The following MGAM2 variants were observed in gnomAD, a reference collection of about 807,000 sequenced individuals.
MGAM2 encodes probable maltase-glucoamylase 2.
MGAM2 carries 98 observed loss-of-function variants against 96.1 expected under a neutral mutation model. The ratio of observed to expected loss-of-function variants is 1.02; its 90% CI spans 0.87 to 1.21. The LOEUF (loss-of-function observed/expected upper bound fraction) is 1.21, where lower values mean the gene tolerates loss of function less well. Ranked by LOEUF, MGAM2 falls within the 50% of genes most tolerant of loss-of-function variation. The probability of loss-of-function intolerance (pLI) is 0.00; values close to 1 mark genes in which losing one functional copy is unlikely to be tolerated. For missense variants in MGAM2, 2,055 were observed against 1,182.4 expected, an observed-to-expected ratio of 1.74 and a Z score of -10.82; for synonymous variants, 749 against 414.8, an observed-to-expected ratio of 1.81 and a Z score of -9.79.
chr7:142,118,660 A>G (rs984866720), intron 2 of MGAM2, among the ~76,000 whole-genome samples: 1 of 152,214 alleles, frequency 6.6e-6, no homozygotes, highest in Non-Finnish European at 1.5e-5. Flanking sequence ...AATGGGGCCA[A>G]TAATATCTTC....
intron 7 of MGAM2, among the ~76,000 whole-genome samples, chr7:142,135,847 C>G (rs1445504967): frequency 6.6e-6 from 1 of 151,314 alleles, no homozygotes; most frequent in Non-Finnish European, 1.5e-5. Flanking sequence ...TTTTTTTTAA[C>G]CACTTAAGTA....
intron 35 of MGAM2, among the ~76,000 whole-genome samples, chr7:142,187,326 C>T (rs967733413): frequency 3.9e-5 from 6 of 152,208 alleles, no homozygotes; most frequent in African/African-American, 1.4e-4. Context: ...TAATAGTAAC[C>T]TCTGGCCATA....
rs905585565 is a variant in MGAM2, at chr7:142,120,529, A to G, written c.186+148A>G. ...TCTTTCTTATCTTATTGAAATAACA[A>G]TATTAAGATCGTGAGGGAAGCAGGG... On this transcript the variant is annotated intron_variant, in intron 3 of 47. Coordinates refer to ENST00000477922, the MANE Select transcript of MGAM2 (RefSeq NM_001293626.2). 8 of 551,690 alleles carry G rather than the reference A, an allele frequency of 1.5e-5. No individual in the cohort carries two copies. The African/African-American group carries it at 1.5e-4, about 10-fold the overall frequency. 34.2% of individuals were successfully genotyped at this position (551,690 alleles called of 1,614,324 possible). A position where few individuals can be genotyped will look rare whatever the true frequency, so the allele number is the denominator to read the frequency against.
intron 21 of MGAM2, among the ~76,000 whole-genome samples, chr7:142,160,820 G>A (rs1264950906): frequency 1.3e-5 from 2 of 151,958 alleles, no homozygotes; most frequent in Non-Finnish European, 2.9e-5. Flanking sequence ...TAATGTGTGC[G>A]GGACACTTAG....
chr7:142,145,549 G>A (rs576131081), intron 14 of MGAM2, among the ~76,000 whole-genome samples: 79 of 152,240 alleles, frequency 5.2e-4, no homozygotes, highest in Admixed American at 8.5e-4. Flanking sequence ...TGGAGGTGGC[G>A]GGTGGCAGTG....
intron 17 of MGAM2, among the ~76,000 whole-genome samples, chr7:142,156,576 T>C (rs552172315): frequency 7.9e-5 from 12 of 152,356 alleles, no homozygotes; most frequent in African/African-American, 2.9e-4. Context: ...CTTCATGTGG[T>C]TCATGGCCAC....
At chr7:142,127,380 G>T (rs1794759220) in intron 3 of MGAM2, among the ~76,000 whole-genome samples, 1 of 151,150 alleles carries the variant, frequency 6.6e-6, no homozygotes, top group Non-Finnish European at 1.5e-5. Flanking sequence ...TTATTTTCTG[G>T]GATAATTGAA....
chr7:142,188,288 G>A (rs1372999276), intron 36 of MGAM2, among the ~76,000 whole-genome samples: 1 of 152,092 alleles, frequency 6.6e-6, no homozygotes. Flanking sequence ...GGTATCAAAA[G>A]GATCTCAGAA....
Position 142,220,148 on chromosome 7 carries a change from T to C in MGAM2, c.5637T>C (p.Asp1879=). 1 of 702,832 alleles carries C rather than the reference T, an allele frequency of 1.4e-6. No homozygotes were observed. Among genetic ancestry groups the C allele is most frequent in the African/African-American group, 1.7e-5 (1 of 57,340 alleles). 43.5% of individuals were successfully genotyped at this position (702,832 alleles called of 1,614,324 possible). ...TSVTTNTTVP[D]TTSPFPTSTT... is the part of the protein sequence containing the mutation. ...TTACAACTAATACTACTGTTCCTGATACAACTTCTCCTTTCCCTACAAGTA... is the reference window on the plus strand; with the variant it reads ...TTACAACTAATACTACTGTTCCTGACACAACTTCTCCTTTCCCTACAAGTA... The change falls in exon 48 of 48, where the codon GAT becomes GAC. Residue 1879 remains aspartate, a synonymous_variant. Transcript: ENST00000477922.
intron 2 of MGAM2, among the ~76,000 whole-genome samples, chr7:142,119,354 G>A (rs554053692): frequency 1.3e-5 from 2 of 152,252 alleles, no homozygotes; most frequent in African/African-American, 4.8e-5. Context: ...GGAAGCGCAA[G>A]TCAAAACAAT....
intron 34 of MGAM2, among the ~76,000 whole-genome samples, chr7:142,185,751 A>G (rs1326918784): frequency 6.6e-6 from 1 of 152,214 alleles, no homozygotes; most frequent in African/African-American, 2.4e-5. Context: ...ATGTCCAGTT[A>G]TTAAACAAAT....
intron 23 of MGAM2, among the ~76,000 whole-genome samples, chr7:142,163,568 C>T (rs1413716679): frequency 2.0e-5 from 3 of 152,218 alleles, no homozygotes; most frequent in Admixed American, 1.3e-4. Flanking sequence ...GCGTGAGCCA[C>T]CGTGCCTGGC....
chr7:142,220,596 A>G lies in MGAM2; in HGVS notation c.6085A>G (p.Thr2029Ala), dbSNP rs932478639. 1.4e-6 allele frequency: 1 copy of G among 698,292 alleles called. No individual in the cohort carries two copies. Among genetic ancestry groups the G allele is most frequent in the Non-Finnish European group, 2.6e-6 (1 of 384,608 alleles). 43.3% of individuals were successfully genotyped at this position (698,292 alleles called of 1,614,324 possible). ...CACAACCACACTTTTTGCAACAAGT[A>G]CTATTGGTGTTACAACTGGTACTAC... ...PITTTLFATSTIGVTTGTTVP... is the reference protein window; with the variant it reads ...PITTTLFATSAIGVTTGTTVP... Residue 2029 changes from threonine to alanine, a missense_variant, in exon 48 of 48, where the codon ACT becomes GCT. By Grantham distance (58) the Thr-to-Ala change is moderately conservative. Coordinates refer to ENST00000477922, the MANE Select transcript of MGAM2 (RefSeq NM_001293626.2).
chr7:142,166,301 C>T (rs1360720753), intron 25 of MGAM2, 48 bp downstream of exon 25: 7 of 650,704 alleles, frequency 1.1e-5, no homozygotes, highest in Admixed American at 7.0e-5. Flanking sequence ...AGTAATTAGG[C>T]ACCTAGAAAA....
intron 22 of MGAM2, 64 bp downstream of exon 22, chr7:142,161,277 T>C (rs1795881084): frequency 7.2e-6 from 5 of 690,710 alleles, no homozygotes; most frequent in Non-Finnish European, 1.1e-5. Flanking sequence ...TTAGTCATCA[T>C]AGGCTGCCCA....
Position 142,197,436 on chromosome 7 carries a change from ATGT to A in MGAM2, c.4673_4675del (p.Leu1558del), listed in dbSNP as rs1450354459. 1.4e-6 allele frequency: 1 copy of A among 702,778 alleles called. No individual in the cohort carries two copies. Among genetic ancestry groups the A allele is most frequent in the African/African-American group, 1.7e-5 (1 of 57,202 alleles). 43.5% of individuals were successfully genotyped at this position (702,778 alleles called of 1,614,324 possible). ...TGTGGCCTGGAATTCAACCTTTGAGATGTTGTCCAGAAAAGTCCTAGAGACCAG... is the reference window on the plus strand; with the variant it reads ...TGTGGCCTGGAATTCAACCTTTGAGATGTCCAGAAAAGTCCTAGAGACCAG... On this transcript the variant is annotated inframe_deletion, in exon 41 of 48. Coordinates refer to ENST00000477922, the MANE Select transcript of MGAM2 (RefSeq NM_001293626.2).
intron 3 of MGAM2, among the ~76,000 whole-genome samples, chr7:142,125,653 G>A (rs895855471): frequency 6.6e-6 from 1 of 152,070 alleles, no homozygotes; most frequent in Admixed American, 6.5e-5. Context: ...AAGATTGTAT[G>A]GTTATAATAT....
At chr7:142,187,888 G>A (rs1585200094) in intron 36 of MGAM2, 54 bp downstream of exon 36, 7 of 683,864 alleles carry the variant, frequency 1.0e-5, no homozygotes, top group South Asian at 6.1e-5. Context: ...GACTCCAAAA[G>A]TTTTCCTTTT....
At chr7:142,113,869 C>G (rs931705429) in intron 1 of MGAM2, among the ~76,000 whole-genome samples, 3 of 152,068 alleles carry the variant, frequency 2.0e-5, no homozygotes, top group African/African-American at 4.8e-5. Flanking sequence ...TGGTGCCTCA[C>G]GCAGGTAATC....
Sources: gnomAD v4.1 joint callset for allele counts (sites outside exome capture counted in the v4.1 genomes callset) on GRCh38, gnomAD v4.1.1 for gene constraint, MANE v1.5 for transcripts, NCBI Gene and HGNC (gene_info 2026-07-23, HGNC 2026-07-21) for gene names.